The following DNAJC27 variants were observed in gnomAD, a reference collection of about 807,000 sequenced individuals.
DNAJC27 encodes dnaJ homolog subfamily C member 27.
A neutral mutation model predicts 31.4 loss-of-function variants in DNAJC27; 25 were observed. That is an observed-to-expected ratio of 0.80 (90% CI 0.58 to 1.11). The LOEUF is 1.11. Among genes scored for constraint, DNAJC27 ranks in the 50% most tolerant of loss-of-function variants. The probability of loss-of-function intolerance (pLI) is 0.00; values close to 1 mark genes in which losing one functional copy is unlikely to be tolerated. For missense variants in DNAJC27, 356 were observed against 347.3 expected (o/e 1.02, Z -0.20); for synonymous variants, 106 against 112.7 (o/e 0.94, Z 0.37).
At chr2:24,969,208 C>G in intron 1 of DNAJC27, 1 of 212,324 alleles carries the variant, frequency 4.7e-6, no homozygotes, top group South Asian at 8.4e-5. Context: ...TGAGCAACAC[C>G]ATGTGAGTCT....
At chr2:24,968,276 T>C (rs1396038892) in intron 1 of DNAJC27, among the ~76,000 whole-genome samples, 1 of 152,194 alleles carries the variant, frequency 6.6e-6, no homozygotes, top group Non-Finnish European at 1.5e-5. Flanking sequence ...ATTTCATTGC[T>C]TGCTAGTTAC....
chr2:24,957,003 GCCT>G, intron 5 of DNAJC27, 37 bp downstream of exon 5: 1 of 1,583,518 alleles, frequency 6.3e-7, no homozygotes, highest in East Asian at 2.3e-5. Context: ...TGGCACAGTG[GCCT>G]TGACACAAAC....
rs186608578 is a variant in DNAJC27, at chr2:24,958,436, T to C, written c.241-462A>G. Reference sequence around the variant, plus strand: ...GGGTGCTAGGCAGAGCTTCCCTGACTCTCGGGTCTGCACACCAACTTTAGA... The same window carrying C: ...GGGTGCTAGGCAGAGCTTCCCTGACCCTCGGGTCTGCACACCAACTTTAGA... On this transcript the variant is annotated intron_variant, in intron 3 of 6. Coordinates refer to ENST00000264711, the MANE Select transcript of DNAJC27 (RefSeq NM_016544.3). 1.4e-4 allele frequency: 30 copies of C among 207,012 alleles called. No individual in the cohort carries two copies. In the Middle Eastern group the frequency reaches 8.7e-3, roughly 60 times the overall value. 12.8% of individuals were successfully genotyped at this position (207,012 alleles called of 1,614,324 possible). A position where few individuals can be genotyped will look rare whatever the true frequency, so the allele number is the denominator to read the frequency against.
chr2:24,958,085 G>A (rs1665951731), intron 3 of DNAJC27, 111 bp from the exon 4 acceptor site: 3 of 980,422 alleles, frequency 3.1e-6, no homozygotes, highest in East Asian at 5.3e-5. Flanking sequence ...CTTAGTGTTT[G>A]CTATTGTATC....
At chr2:24,950,740 A>G (rs529466613) in intron 6 of DNAJC27, among the ~76,000 whole-genome samples, 53 of 152,146 alleles carry the variant, frequency 3.5e-4, no homozygotes, top group African/African-American at 1.2e-3. Flanking sequence ...CCAGCTACTC[A>G]GGAGGCTGAG....
rs760946709 is a variant in DNAJC27, at chr2:24,967,215, T to A, written c.166A>T (p.Thr56Ser). 8 of 1,612,466 alleles carry A rather than the reference T, an allele frequency of 5.0e-6. No homozygotes were observed. The South Asian group carries it at 7.7e-5, about 15-fold the overall frequency. The change falls in exon 2 of 7, where the codon ACA (threonine) becomes TCA (serine). Residue 56 changes from threonine to serine, a missense_variant. Thr to Ser is a moderately conservative substitution (Grantham distance 58). Transcript: ENST00000264711. ...CCAGGGAAACAATATACTTACTTTGTGACTCCATAGTCAATTCCAATTGTT... is the reference window on the plus strand; with the variant it reads ...CCAGGGAAACAATATACTTACTTTGAGACTCCATAGTCAATTCCAATTGTT... ...LATIGIDYGV[T>S]KVHVRDREIK... is the part of the protein sequence containing the mutation.
intron 6 of DNAJC27, 67 bp downstream of exon 6, chr2:24,951,327 C>T (rs1665769021): frequency 6.8e-7 from 1 of 1,475,768 alleles, no homozygotes; most frequent in Admixed American, 2.0e-5. Flanking sequence ...TATACTGCAC[C>T]TATAATTTTG....
intron 1 of DNAJC27, among the ~76,000 whole-genome samples, chr2:24,970,202 T>C (rs80098057): frequency 0.088 from 13,335 of 152,274 alleles, 717 homozygotes; most frequent in South Asian, 0.19. Context: ...TATTAATTTG[T>C]GGGTAATAAT....
intron 1 of DNAJC27, among the ~76,000 whole-genome samples, chr2:24,969,628 G>A (rs755623220): frequency 4.6e-5 from 7 of 152,058 alleles, no homozygotes; most frequent in Admixed American, 6.6e-5. Flanking sequence ...ACAAGCGTGC[G>A]CCACCATGCC....
At chr2:24,948,663 G>T (rs1665701074) in intron 6 of DNAJC27, among the ~76,000 whole-genome samples, 1 of 152,214 alleles carries the variant, frequency 6.6e-6, no homozygotes, top group Non-Finnish European at 1.5e-5. Context: ...GGAGAGAGCT[G>T]CAGGCTTCTG....
intron 1 of DNAJC27, among the ~76,000 whole-genome samples, chr2:24,969,709 G>C (rs1666279340): frequency 6.6e-6 from 1 of 152,138 alleles, no homozygotes; most frequent in Admixed American, 6.5e-5. Flanking sequence ...GAACTCCTGA[G>C]CTCAGGCAAT....
intron 5 of DNAJC27, among the ~76,000 whole-genome samples, chr2:24,952,214 ACTC>A (rs1255874969): frequency 6.6e-6 from 1 of 151,920 alleles, no homozygotes; most frequent in African/African-American, 2.4e-5. Flanking sequence ...GTGTCTCTCT[ACTC>A]CTCAAGTTCC....
intron 5 of DNAJC27, among the ~76,000 whole-genome samples, chr2:24,951,861 C>G (rs1665782905): frequency 6.6e-6 from 1 of 152,112 alleles, no homozygotes; most frequent in African/African-American, 2.4e-5. Flanking sequence ...GTAATCCCAG[C>G]ATTTTGGGAG....
Position 24,947,995 on chromosome 2 carries a change from G to A in DNAJC27, c.690-247C>T, listed in dbSNP as rs559231272. Among the ~76,000 whole-genome samples, 6 of 152,264 alleles carry A rather than the reference G, an allele frequency of 3.9e-5. No individual in the cohort carries two copies. The South Asian group carries it at 1.2e-3, about 32-fold the overall frequency. On this transcript the variant is annotated intron_variant, in intron 6 of 6. Coordinates refer to ENST00000264711, the MANE Select transcript of DNAJC27 (RefSeq NM_016544.3). ...TATATAAATGCTAACAAAACACTTA[G>A]TAAAATAATAATCAGATGAAAACAG...
chr2:24,972,074 G>A (rs888701354), upstream of DNAJC27: 99 of 499,788 alleles, frequency 2.0e-4, no homozygotes, highest in Admixed American at 2.6e-3. Context: ...TTGGGAGCGT[G>A]GGGAGCCGGG....
Position 24,958,088 on chromosome 2 carries a change from AT to A in DNAJC27, c.241-115del, listed in dbSNP as rs1665951860. ...CTTTTGTGTATTCTTAGTGTTTGCT[AT>A]TGTATCTGTTTCTACTGGTCATTAG... is the stretch of plus-strand genomic sequence containing the variant. On this transcript the variant is annotated intron_variant, in intron 3 of 6. Transcript: ENST00000264711. The A allele has an allele frequency of 7.3e-6, 7 of 957,800 alleles. No homozygotes were observed. The South Asian group carries it at 1.2e-4, about 17-fold the overall frequency. 59.3% of individuals were successfully genotyped at this position (957,800 alleles called of 1,614,324 possible).
At position 24,945,741 on chromosome 2, in the gene DNAJC27, G is replaced by A. The variant is rs1336572619; in HGVS notation, c.*1875C>T. 1.3e-5 allele frequency: 2 copies of A among 152,218 alleles called. No homozygotes were observed. Among genetic ancestry groups the A allele is most frequent in the Non-Finnish European group, 2.9e-5 (2 of 68,044 alleles). The allele number at this position is 152,218 out of a possible 1,614,324, so 9.4% of individuals were successfully genotyped here. A position where few individuals can be genotyped will look rare whatever the true frequency, so the allele number is the denominator to read the frequency against. ...TATCAATCAGTTCATTTAAAAAGTT[G>A]TTTTGATATTACCAAGATGAAAAGT... On this transcript the variant is annotated 3_prime_UTR_variant, in exon 7 of 7. Coordinates refer to ENST00000264711, the MANE Select transcript of DNAJC27 (RefSeq NM_016544.3).
chr2:24,965,682 C>T (rs904409017), intron 2 of DNAJC27, among the ~76,000 whole-genome samples: 6 of 152,152 alleles, frequency 3.9e-5, no homozygotes, highest in African/African-American at 1.4e-4. Flanking sequence ...GCTGTAAGAG[C>T]ATTACACACA....
Position 24,950,460 on chromosome 2 carries a change from T to C in DNAJC27, c.689+934A>G, listed in dbSNP as rs553165506. Among the ~76,000 whole-genome samples, 8 of 152,316 alleles carry C rather than the reference T, an allele frequency of 5.3e-5. No homozygotes were observed. In the South Asian group the frequency reaches 1.7e-3, roughly 32 times the overall value. The stretch of plus-strand genomic sequence containing the variant: ...ACCGTTGAAAGTTACATAACCATAA[T>C]GAATAATAATTTAATTTTTGTACAA... On this transcript the variant is annotated intron_variant, in intron 6 of 6. Coordinates refer to ENST00000264711, the MANE Select transcript of DNAJC27 (RefSeq NM_016544.3).
Sources: allele counts gnomAD v4.1 joint callset (sites outside exome capture counted in the v4.1 genomes callset), GRCh38; gene constraint gnomAD v4.1.1; transcripts MANE v1.5; gene names NCBI Gene and HGNC (gene_info 2026-07-23, HGNC 2026-07-21).